Variants in SLC44A5 observed in about 807,000 individuals in gnomAD.
The protein encoded by SLC44A5 is solute carrier family 44 member 5.
Under a neutral mutation model 101.8 loss-of-function variants are expected in SLC44A5, and 57 were observed. The ratio of observed to expected loss-of-function variants is 0.56; its 90% CI spans 0.45 to 0.70. SLC44A5 has a LOEUF of 0.70. SLC44A5 is among the 30% of genes least tolerant of loss of function. The pLI, the probability that SLC44A5 is intolerant of heterozygous loss-of-function variation, is 0.00. For synonymous variants in SLC44A5, 281 were observed against 290.9 expected, an observed-to-expected ratio of 0.97 and a Z score of 0.35; for missense variants, 737 against 853.1, an observed-to-expected ratio of 0.86 and a Z score of 1.70.
At chr1:75,369,438 C>T (rs755284427) in intron 3 of SLC44A5, among the ~76,000 whole-genome samples, 7 of 152,152 alleles carry the variant, frequency 4.6e-5, no homozygotes, top group South Asian at 4.1e-4. Context: ...AGTACTTTTA[C>T]GAGTTCCTGA....
At chr1:75,328,332 T>C (rs1184744991) in intron 4 of SLC44A5, among the ~76,000 whole-genome samples, 1 of 152,158 alleles carries the variant, frequency 6.6e-6, no homozygotes, top group African/African-American at 2.4e-5. Flanking sequence ...GACACAGGTA[T>C]GTTGGTCTGA....
intron 2 of SLC44A5, among the ~76,000 whole-genome samples, chr1:75,396,926 T>C (rs1570133869): frequency 1.3e-5 from 2 of 152,314 alleles, no homozygotes; most frequent in Admixed American, 1.3e-4. Flanking sequence ...AGGTGATATG[T>C]AGAGACTTGA....
At chr1:75,282,745 C>G (rs1487763532) in intron 5 of SLC44A5, among the ~76,000 whole-genome samples, 1 of 152,132 alleles carries the variant, frequency 6.6e-6, no homozygotes, top group Non-Finnish European at 1.5e-5. Flanking sequence ...CCCCTTTGCT[C>G]TGCACTTCTT....
intron 1 of SLC44A5, among the ~76,000 whole-genome samples, chr1:75,590,695 G>A (rs1305499269): frequency 6.6e-6 from 1 of 152,202 alleles, no homozygotes; most frequent in Non-Finnish European, 1.5e-5. Flanking sequence ...GGTGGTGGTG[G>A]CTATGGGGTG....
intron 5 of SLC44A5, among the ~76,000 whole-genome samples, chr1:75,294,373 T>C (rs1314406529): frequency 6.6e-6 from 1 of 152,152 alleles, no homozygotes; most frequent in African/African-American, 2.4e-5. Context: ...TCTTGTACAC[T>C]GTTAGTAGGA....
intron 1 of SLC44A5, among the ~76,000 whole-genome samples, chr1:75,584,367 A>T (rs982394553): frequency 6.6e-6 from 1 of 152,244 alleles, no homozygotes; most frequent in Non-Finnish European, 1.5e-5. Context: ...GTACCGTATC[A>T]CATTAGAATA....
intron 4 of SLC44A5, chr1:75,311,822 T>G (rs1655324305): frequency 6.6e-6 from 1 of 152,286 alleles, no homozygotes. Context: ...GGCCTGCATA[T>G]AGAGGGTTCA....
intron 3 of SLC44A5, among the ~76,000 whole-genome samples, chr1:75,389,112 A>G (rs1661613283): frequency 6.6e-6 from 1 of 152,204 alleles, no homozygotes; most frequent in Non-Finnish European, 1.5e-5. Context: ...TAAAGCGTTC[A>G]TTTAAACAAA....
chr1:75,272,941 A>G (rs1387471421), intron 6 of SLC44A5, among the ~76,000 whole-genome samples: 1 of 151,786 alleles, frequency 6.6e-6, no homozygotes, highest in Non-Finnish European at 1.5e-5. Context: ...GTGGATGAGA[A>G]TTGCACTGAA....
chr1:75,636,336 G>A, the SLC44A5 span, among the ~76,000 whole-genome samples: 5 of 152,086 alleles, frequency 3.3e-5, no homozygotes, highest in African/African-American at 7.2e-5. Flanking sequence ...TAAACAATAA[G>A]TAAATGTTAG....
At chr1:75,707,264 C>T in the SLC44A5 span, among the ~76,000 whole-genome samples, 1 of 152,220 alleles carries the variant, frequency 6.6e-6, no homozygotes, top group Non-Finnish European at 1.5e-5. Context: ...AGGTGACTGC[C>T]TGGCTCTAGT....
intron 2 of SLC44A5, among the ~76,000 whole-genome samples, chr1:75,457,173 G>A (rs980563251): frequency 5.7e-4 from 86 of 152,010 alleles, no homozygotes; most frequent in African/African-American, 3.9e-4. Context: ...TCTTTCTTTC[G>A]CCTGTTAATG....
intron 9 of SLC44A5, 36 bp from the exon 10 acceptor site, chr1:75,238,672 T>C: frequency 7.3e-7 from 1 of 1,374,802 alleles, no homozygotes; most frequent in Non-Finnish European, 9.9e-7. Flanking sequence ...TAATCACTTT[T>C]CTATTTCTTC....
intron 1 of SLC44A5, among the ~76,000 whole-genome samples, chr1:75,547,004 A>G (rs1322313992): frequency 6.6e-6 from 1 of 152,190 alleles, no homozygotes; most frequent in African/African-American, 2.4e-5. Flanking sequence ...CATTAAATTT[A>G]TGGTAAAGTT....
the SLC44A5 span, among the ~76,000 whole-genome samples, chr1:75,658,990 T>C: frequency 2.0e-5 from 3 of 152,038 alleles, no homozygotes; most frequent in African/African-American, 4.8e-5. Flanking sequence ...GAAACTATTA[T>C]AAACATCTAT....
chr1:75,401,383 T>C (rs1013348716), intron 2 of SLC44A5, among the ~76,000 whole-genome samples: 1 of 152,210 alleles, frequency 6.6e-6, no homozygotes. Context: ...CAAATCAGCA[T>C]ACCAATCATT....
chr1:75,431,901 A>C (rs1664635894), intron 2 of SLC44A5, among the ~76,000 whole-genome samples: 1 of 152,138 alleles, frequency 6.6e-6, no homozygotes, highest in South Asian at 2.1e-4. Flanking sequence ...ATCAAAGTTC[A>C]TTCCTTTGCC....
intron 4 of SLC44A5, among the ~76,000 whole-genome samples, chr1:75,328,697 G>A (rs1656795121): frequency 1.3e-5 from 2 of 152,192 alleles, no homozygotes; most frequent in African/African-American, 4.8e-5. Flanking sequence ...AAAGCTCCCT[G>A]GGAAAAAATA....
intron 2 of SLC44A5, among the ~76,000 whole-genome samples, chr1:75,439,349 A>T (rs911829525): frequency 6.6e-6 from 1 of 151,948 alleles, no homozygotes; most frequent in African/African-American, 2.4e-5. Context: ...AACATGTGGT[A>T]AAAAAAATGA....
Sources: allele counts gnomAD v4.1 joint callset (sites outside exome capture counted in the v4.1 genomes callset), GRCh38; gene constraint gnomAD v4.1.1; transcripts MANE v1.5; gene names NCBI Gene and HGNC (gene_info 2026-07-23, HGNC 2026-07-21).